Variants in RYR3 observed in about 807,000 individuals in gnomAD.
RYR3 encodes brain ryanodine receptor-calcium release channel.
Under a neutral mutation model 584.3 loss-of-function variants are expected in RYR3, and 207 were observed. The ratio of observed to expected loss-of-function variants is 0.35; its 90% CI spans 0.32 to 0.40. The LOEUF (loss-of-function observed/expected upper bound fraction) is 0.40, where lower values mean the gene tolerates loss of function less well. RYR3 is among the 10% of genes least tolerant of loss of function. RYR3 has a pLI of 1.00. For missense variants in RYR3, 5,616 were observed against 6,089.2 expected (o/e 0.92, Z 2.59); for synonymous variants, 2,416 against 2,248.5 (o/e 1.07, Z -2.11).
intron 67 of RYR3, among the ~76,000 whole-genome samples, chr15:33,792,574 T>C (rs1228298654): frequency 1.3e-5 from 2 of 152,202 alleles, no homozygotes; most frequent in African/African-American, 4.8e-5. Context: ...TCTAATGTCA[T>C]AATTAGGCAA....
At position 33,412,184 on chromosome 15, in the gene RYR3, G is replaced by A. The variant is rs749584448; in HGVS notation, c.52-61235G>A. 1.3e-5 allele frequency among the ~76,000 whole-genome samples: 2 copies of A among 152,102 alleles called. No individual in the cohort carries two copies. The highest frequency in any genetic ancestry group is 2.4e-5 in the African/African-American group (1 of 41,412). On this transcript the variant is annotated intron_variant, in intron 1 of 103. Coordinates refer to ENST00000634891, the MANE Select transcript of RYR3 (RefSeq NM_001036.6). The surrounding 1 kb of genome is among the most constrained non-coding windows in gnomAD (Gnocchi z 4.3). ...AATGAGGTAGGCTTATTTTCTTCTCGGATACAGTTGTGGGCTTGTGGATTC... is the reference window on the plus strand; with the variant it reads ...AATGAGGTAGGCTTATTTTCTTCTCAGATACAGTTGTGGGCTTGTGGATTC...
intron 1 of RYR3, among the ~76,000 whole-genome samples, chr15:33,391,853 C>T (rs1445257725): frequency 3.3e-5 from 5 of 152,060 alleles, no homozygotes; most frequent in Non-Finnish European, 7.4e-5. Context: ...TTTCTTCTCT[C>T]TGCAACACTG....
At position 33,646,390 on chromosome 15, in the gene RYR3, C is replaced by T; in HGVS notation, c.3805C>T (p.Leu1269Phe). The T allele has an allele frequency of 6.2e-7, 1 of 1,613,222 alleles. No individual in the cohort carries two copies. The highest frequency in any genetic ancestry group is 8.5e-7 in the Non-Finnish European group (1 of 1,179,342). The change falls in exon 29 of 104, where the codon CTC becomes TTC. Residue 1269 changes from leucine to phenylalanine, a missense_variant. Physicochemically the swap from Leu to Phe is conservative, Grantham distance 22. Around this residue, in one of 9 missense-constraint regions of RYR3, gnomAD observed 753 missense variants for 741.0 expected, o/e 1.02. Coordinates refer to ENST00000634891, the MANE Select transcript of RYR3 (RefSeq NM_001036.6). Reference sequence around the variant, plus strand: ...TGGCACCATGGACAGCCCTCCGTGTCTCAAGGTGACGCATAAGACATTTGG... The same window carrying T: ...TGGCACCATGGACAGCCCTCCGTGTTTCAAGGTGACGCATAAGACATTTGG... ...IDGTMDSPPCLKVTHKTFGTQ... is the reference protein window; with the variant it reads ...IDGTMDSPPCFKVTHKTFGTQ...
intron 1 of RYR3, among the ~76,000 whole-genome samples, chr15:33,367,539 G>A (rs1223431476): frequency 1.3e-5 from 2 of 152,152 alleles, no homozygotes; most frequent in Non-Finnish European, 2.9e-5. Flanking sequence ...AGTGCCCTGT[G>A]GTGAGAAGAA....
At chr15:33,813,133 C>T in intron 73 of RYR3, 139 bp downstream of exon 73, 1 of 1,082,122 alleles carries the variant, frequency 9.2e-7, no homozygotes, top group Non-Finnish European at 1.3e-6. Flanking sequence ...CCAGATCACC[C>T]CCACGTGCCA....
intron 93 of RYR3, among the ~76,000 whole-genome samples, chr15:33,846,472 A>G (rs1249900718): frequency 6.6e-6 from 1 of 152,150 alleles, no homozygotes; most frequent in East Asian, 1.9e-4. Flanking sequence ...CTACATCATA[A>G]TTGTGTTTTT....
chr15:33,613,521 C>A (rs1295049579), intron 19 of RYR3, 146 bp downstream of exon 19: 13 of 772,610 alleles, frequency 1.7e-5, no homozygotes, highest in Non-Finnish European at 2.6e-5. Flanking sequence ...GGGCAAGAGC[C>A]AACTAGAGTC....
intron 38 of RYR3, among the ~76,000 whole-genome samples, chr15:33,694,763 A>G (rs1386679143): frequency 2.6e-5 from 4 of 152,156 alleles, no homozygotes; most frequent in African/African-American, 9.7e-5. Flanking sequence ...CTGCCTAGTG[A>G]GGTCTCTTGA....
At position 33,837,592 on chromosome 15, in the gene RYR3, ATTTGTATATTTGTATGTCT is replaced by A; in HGVS notation, c.11651-35_11651-17del. On this transcript the variant is annotated intron_variant, in intron 88 of 103. Transcript: ENST00000634891. ...ACAAGTGACATGATAGCTTGGGTTT[ATTTGTATATTTGTATGTCT>A]TTTTGAACCTGCCTCACAGGGAATG... The A allele has an allele frequency of 6.6e-7, 1 of 1,505,728 alleles. No homozygotes were observed. The highest frequency in any genetic ancestry group is 8.9e-7 in the Non-Finnish European group (1 of 1,128,822). 93.3% of individuals were successfully genotyped at this position (1,505,728 alleles called of 1,614,324 possible). A position where few individuals can be genotyped will look rare whatever the true frequency, so the allele number is the denominator to read the frequency against.
intron 38 of RYR3, among the ~76,000 whole-genome samples, chr15:33,695,885 A>C (rs909756055): frequency 2.7e-5 from 4 of 150,292 alleles, no homozygotes; most frequent in Non-Finnish European, 5.9e-5. Context: ...TCCAAGGCTC[A>C]AGCAGTCCTC....
At chr15:33,652,252 C>G (rs1011554222) in intron 31 of RYR3, among the ~76,000 whole-genome samples, 2 of 152,078 alleles carry the variant, frequency 1.3e-5, no homozygotes, top group African/African-American at 2.4e-5. Context: ...AATGTGGGCC[C>G]GAGTTTTCAA....
At chr15:33,746,981 G>A (rs1030746079) in intron 53 of RYR3, among the ~76,000 whole-genome samples, 5 of 149,050 alleles carry the variant, frequency 3.4e-5, no homozygotes, top group African/African-American at 1.3e-4. Flanking sequence ...GCTAATGTTT[G>A]TAATTTTTTA....
chr15:33,795,355 A>T lies in RYR3; in HGVS notation c.9831-5415A>T, dbSNP rs1053544665. Among the ~76,000 whole-genome samples the T allele has an allele frequency of 4.6e-5, 7 of 150,846 alleles. No individual in the cohort carries two copies. The East Asian group carries it at 1.4e-3, about 29-fold the overall frequency. On this transcript the variant is annotated intron_variant, in intron 67 of 103. Transcript: ENST00000634891. ...GCATGCCAGGAGATAAAAATCAAGA[A>T]GTATTAAACAAGTCTTTTTCTTTTC...
chr15:33,651,911 T>TG (rs779231714), intron 31 of RYR3, among the ~76,000 whole-genome samples: 17 of 152,244 alleles, frequency 1.1e-4, no homozygotes, highest in African/African-American at 3.1e-4. Flanking sequence ...TTGCCCACGG[T>TG]GGGGGGCTCT....
At chr15:33,326,320 T>C (rs970461315) in intron 1 of RYR3, among the ~76,000 whole-genome samples, 6 of 152,204 alleles carry the variant, frequency 3.9e-5, no homozygotes, top group African/African-American at 1.4e-4. Flanking sequence ...CAAGCATTTG[T>C]TGAGTACTTA....
intron 1 of RYR3, among the ~76,000 whole-genome samples, chr15:33,333,937 C>T (rs1334396857): frequency 6.6e-6 from 1 of 151,988 alleles, no homozygotes; most frequent in African/African-American, 2.4e-5. Flanking sequence ...TCACAATTGC[C>T]ACAAGAAGAA....
chr15:33,673,165 G>T (rs1167288990), intron 38 of RYR3, among the ~76,000 whole-genome samples: 1 of 152,182 alleles, frequency 6.6e-6, no homozygotes, highest in East Asian at 1.9e-4. Context: ...ATATCTCACT[G>T]TTTTGACTCA....
chr15:33,612,885 C>A (rs1338779346), intron 18 of RYR3, among the ~76,000 whole-genome samples: 1 of 152,214 alleles, frequency 6.6e-6, no homozygotes, highest in Non-Finnish European at 1.5e-5. Context: ...TCTGAACACT[C>A]ATTGAGCACA....
At chr15:33,453,741 T>G (rs932195747) in intron 1 of RYR3, among the ~76,000 whole-genome samples, 3 of 152,204 alleles carry the variant, frequency 2.0e-5, no homozygotes, top group Admixed American at 2.0e-4. Context: ...AAAATAAGGA[T>G]GTTTTTTCTA....
Sources: allele counts gnomAD v4.1 joint callset (sites outside exome capture counted in the v4.1 genomes callset), GRCh38; gene constraint gnomAD v4.1.1; regional missense constraint gnomAD v4.1.1; non-coding constraint Gnocchi (gnomAD v3.1); transcripts MANE v1.5; gene names NCBI Gene and HGNC (gene_info 2026-07-23, HGNC 2026-07-21).